Variants in POLN observed in about 807,000 individuals in gnomAD.
POLN encodes the protein DNA polymerase nu.
In POLN, 108 loss-of-function variants were observed where a neutral mutation model predicts 113.5. The ratio of observed to expected loss-of-function variants is 0.95; its 90% CI spans 0.81 to 1.12. The LOEUF (loss-of-function observed/expected upper bound fraction) is 1.12. POLN is among the 50% of genes most tolerant of loss of function. The pLI is 0.00. For missense variants in POLN, 1,097 were observed against 1,077.1 expected (o/e 1.02, Z -0.26); for synonymous variants, 386 against 391.5 (o/e 0.99, Z 0.17).
At chr4:2,222,683 A>G (rs1193405310) in intron 3 of POLN, among the ~76,000 whole-genome samples, 2 of 147,782 alleles carry the variant, frequency 1.4e-5, no homozygotes, top group Non-Finnish European at 3.0e-5. Flanking sequence ...TTAATTGCTT[A>G]TCACCCACGG....
At chr4:2,090,799 G>A (rs981850641) in intron 20 of POLN, among the ~76,000 whole-genome samples, 1 of 152,160 alleles carries the variant, frequency 6.6e-6, no homozygotes, top group Non-Finnish European at 1.5e-5. Context: ...TTTTGCCTTG[G>A]CTTCTGGGTT....
chr4:2,149,788 AAAG>A (rs1294452283), intron 16 of POLN, among the ~76,000 whole-genome samples: 16 of 152,044 alleles, frequency 1.1e-4, no homozygotes, highest in African/African-American at 3.6e-4. Flanking sequence ...CTGTGTCTAA[AAAG>A]AGAGAGAGAG....
chr4:2,142,434 G>A (rs1732025890), intron 16 of POLN, among the ~76,000 whole-genome samples: 1 of 152,224 alleles, frequency 6.6e-6, no homozygotes, highest in African/African-American at 2.4e-5. Flanking sequence ...TGCCAATAAG[G>A]AGACTTCTGC....
intron 21 of POLN, 96 bp from the exon 22 acceptor site, chr4:2,081,839 GC>G: frequency 9.9e-7 from 1 of 1,006,390 alleles, no homozygotes; most frequent in Non-Finnish European, 1.5e-6. Flanking sequence ...CAGAGGGACA[GC>G]CGCACTGCAG....
At position 2,236,298 on chromosome 4, in the gene POLN, C is replaced by T. The variant is rs1307185528; in HGVS notation, c.-13+5222G>A. 7 of 1,613,654 alleles carry T rather than the reference C, an allele frequency of 4.3e-6. 1 individual carries two copies. The highest frequency in any genetic ancestry group is 3.3e-5 in the South Asian group (3 of 91,060). ...ACAAAGCATGTCCACATCCTTATTC[C>T]GTTTGGACAGAAAGAAAGAATGTTC... On this transcript the variant is annotated intron_variant, in intron 2 of 25. Transcript: ENST00000511885.
At chr4:2,139,751 G>A (rs920493759) in intron 16 of POLN, 3 of 152,156 alleles carry the variant, frequency 2.0e-5, no homozygotes, top group Non-Finnish European at 4.4e-5. Context: ...TATATGGGAG[G>A]AATATTCATC....
intron 23 of POLN, chr4:2,077,126 C>T (rs3117813): frequency 0.74 from 112,919 of 152,168 alleles, 45,296 homozygotes; most frequent in Non-Finnish European, 0.89. Context: ...GGCAGATGCT[C>T]TTCTGACCAC....
intron 7 of POLN, among the ~76,000 whole-genome samples, chr4:2,192,004 T>G (rs1181513865): frequency 1.3e-5 from 2 of 150,974 alleles, no homozygotes; most frequent in Non-Finnish European, 2.9e-5. Flanking sequence ...TCCCACCTAC[T>G]CGGGAGGCTG....
chr4:2,117,259 C>A (rs1395059225), intron 19 of POLN, among the ~76,000 whole-genome samples: 2 of 152,224 alleles, frequency 1.3e-5, no homozygotes, highest in African/African-American at 2.4e-5. Flanking sequence ...CTGGCTGAAG[C>A]AAGCCACGTG....
chr4:2,156,726 A>G (rs1230030807), intron 16 of POLN, 62 bp downstream of exon 16: 22 of 1,416,582 alleles, frequency 1.6e-5, no homozygotes, highest in Non-Finnish European at 2.0e-5. Context: ...ATATGGAGAA[A>G]AAACTTCAAT....
intron 16 of POLN, among the ~76,000 whole-genome samples, chr4:2,146,052 A>AG (rs2108733960): frequency 6.6e-6 from 1 of 151,886 alleles, no homozygotes; most frequent in South Asian, 2.1e-4. Context: ...TAGCAAAAAA[A>AG]AGACAATCTA....
At chr4:2,211,939 A>G (rs770608604) in intron 4 of POLN, among the ~76,000 whole-genome samples, 17 of 152,064 alleles carry the variant, frequency 1.1e-4, no homozygotes, top group Non-Finnish European at 1.9e-4. Context: ...ATTTCCATTC[A>G]TTTACAGAGG....
At chr4:2,238,106 C>T (rs1012993253) in intron 2 of POLN, among the ~76,000 whole-genome samples, 9 of 152,160 alleles carry the variant, frequency 5.9e-5, no homozygotes, top group African/African-American at 1.9e-4. Context: ...CTTTAGCCCT[C>T]CAATTTTCAG....
At chr4:2,198,764 T>C (rs776512092) in intron 5 of POLN, 47 bp from the exon 6 acceptor site, 1 of 1,479,706 alleles carries the variant, frequency 6.8e-7, no homozygotes, top group Non-Finnish European at 9.1e-7. Flanking sequence ...ACATATCTGT[T>C]GTAGAAAGAC....
rs1470705320 is a variant in POLN at position 2,170,581 on chromosome 4, GA to G, written c.1554+97del. On this transcript the variant is annotated intron_variant, in intron 13 of 25. Transcript: ENST00000511885. ...GCAGAAACTGCTGCCAGCATGAGGG[GA>G]CGGCCTGAGAGTCTCGGGTGGGTCT... 1.5e-5 allele frequency: 15 copies of G among 1,024,226 alleles called. No homozygotes were observed. The East Asian group carries it at 3.7e-4, about 25-fold the overall frequency. The allele number at this position is 1,024,226 out of a possible 1,614,324, so 63.4% of individuals were successfully genotyped here.
intron 13 of POLN, among the ~76,000 whole-genome samples, chr4:2,162,318 C>T (rs1050306783): frequency 6.6e-6 from 1 of 152,150 alleles, no homozygotes; most frequent in African/African-American, 2.4e-5. Flanking sequence ...CTGTAACACT[C>T]ACCGCGAAGG....
intron 3 of POLN, chr4:2,227,594 T>G (rs1734429968): frequency 6.6e-6 from 1 of 152,232 alleles, no homozygotes; most frequent in South Asian, 2.1e-4. Context: ...TTCTATTACC[T>G]TCTCAATAAC....
intron 7 of POLN, among the ~76,000 whole-genome samples, chr4:2,187,264 G>C (rs1157874607): frequency 6.9e-6 from 1 of 144,010 alleles, no homozygotes; most frequent in Non-Finnish European, 1.5e-5. Context: ...TGTTTGTTTA[G>C]ATGGAGTCTT....
intron 6 of POLN, among the ~76,000 whole-genome samples, chr4:2,196,763 C>T (rs1463177883): frequency 6.6e-6 from 1 of 152,128 alleles, no homozygotes; most frequent in Non-Finnish European, 1.5e-5. Context: ...TAAGGAAAAA[C>T]CTTTGATAAT....
Sources: allele counts gnomAD v4.1 joint callset (sites outside exome capture counted in the v4.1 genomes callset), GRCh38; gene constraint gnomAD v4.1.1; transcripts MANE v1.5; gene names NCBI Gene and HGNC (gene_info 2026-07-23, HGNC 2026-07-21).